SOCS5: variants seen among roughly 807,000 people sequenced by gnomAD.
SOCS5 encodes the protein CIS-6.
In SOCS5, 32 loss-of-function variants were observed where a neutral mutation model predicts 42.8. The ratio of observed to expected loss-of-function variants is 0.75; its 90% CI spans 0.56 to 1.01. The LOEUF is 1.01. Ranked by LOEUF, SOCS5 falls within the 50% of genes least tolerant of loss-of-function variation. The probability of loss-of-function intolerance (pLI) is 0.00; values close to 1 mark genes in which losing one functional copy is unlikely to be tolerated. For synonymous variants in SOCS5, 283 were observed against 229.6 expected, an observed-to-expected ratio of 1.23 and a Z score of -2.10; for missense variants, 627 against 653.0, an observed-to-expected ratio of 0.96 and a Z score of 0.43.
intron 1 of SOCS5, among the ~76,000 whole-genome samples, chr2:46,756,793 A>G (rs768559974): frequency 3.3e-5 from 5 of 152,262 alleles, no homozygotes; most frequent in Non-Finnish European, 7.3e-5. Flanking sequence ...CGACTGTATT[A>G]ACAGGACTAT....
chr2:46,726,286 C>T (rs1301429941), intron 1 of SOCS5, among the ~76,000 whole-genome samples: 1 of 151,872 alleles, frequency 6.6e-6, no homozygotes, highest in Non-Finnish European at 1.5e-5. Flanking sequence ...TTAGTAGAGA[C>T]GTGGTTTCAC....
At chr2:46,726,422 T>G (rs1030876453) in intron 1 of SOCS5, among the ~76,000 whole-genome samples, 1 of 152,150 alleles carries the variant, frequency 6.6e-6, no homozygotes, top group African/African-American at 2.4e-5. Flanking sequence ...CTACTTGGTT[T>G]CTCTGTGCTT....
chr2:46,724,988 T>G (rs994996373), intron 1 of SOCS5, among the ~76,000 whole-genome samples: 3 of 152,044 alleles, frequency 2.0e-5, no homozygotes, highest in Non-Finnish European at 4.4e-5. Context: ...TCATTGTAGA[T>G]TTGTCTGTTT....
In SOCS5 at chr2:46,762,035, C is replaced by G. The variant is rs888547770; in HGVS notation, c.*1894C>G. 1 of 166,900 alleles carries G rather than the reference C, an allele frequency of 6.0e-6. No individual in the cohort carries two copies. Among genetic ancestry groups the G allele is most frequent in the African/African-American group, 2.4e-5 (1 of 41,408 alleles). The allele number at this position is 166,900 out of a possible 1,614,324, so 10.3% of individuals were successfully genotyped here. ...TCAGTACCATTTATTGGTTTGGGGA[C>G]CATCTTAATTAAAAATAAATGCCCA... On this transcript the variant is annotated 3_prime_UTR_variant, in exon 2 of 2. Transcript: ENST00000394861.
intron 1 of SOCS5, among the ~76,000 whole-genome samples, chr2:46,713,684 T>C (rs1308834793): frequency 6.6e-6 from 1 of 152,142 alleles, no homozygotes; most frequent in East Asian, 1.9e-4. Context: ...ATTCCTTCCC[T>C]TCTCCTTACT....
At chr2:46,756,439 A>G (rs1439666337) in intron 1 of SOCS5, among the ~76,000 whole-genome samples, 3 of 152,078 alleles carry the variant, frequency 2.0e-5, no homozygotes, top group Non-Finnish European at 4.4e-5. Flanking sequence ...AAATGTAAAA[A>G]TTTTTCTGAG....
At chr2:46,715,277 G>A (rs1373144313) in intron 1 of SOCS5, among the ~76,000 whole-genome samples, 1 of 151,686 alleles carries the variant, frequency 6.6e-6, no homozygotes, top group East Asian at 1.9e-4. Flanking sequence ...AAGCTTAGGT[G>A]GGAGGTATTG....
At chr2:46,742,011 G>T (rs1673389798) in intron 1 of SOCS5, among the ~76,000 whole-genome samples, 1 of 152,144 alleles carries the variant, frequency 6.6e-6, no homozygotes, top group South Asian at 2.1e-4. Flanking sequence ...ACATTAGTGT[G>T]TGACAATGCT....
intron 1 of SOCS5, among the ~76,000 whole-genome samples, chr2:46,715,275 G>A (rs371172466): frequency 2.6e-5 from 4 of 151,736 alleles, no homozygotes; most frequent in Admixed American, 6.6e-5. Flanking sequence ...GGAAGCTTAG[G>A]TGGGAGGTAT....
intron 1 of SOCS5, among the ~76,000 whole-genome samples, chr2:46,754,220 T>C (rs1282222060): frequency 3.3e-5 from 5 of 152,190 alleles, no homozygotes; most frequent in African/African-American, 1.2e-4. Context: ...GGGGAAGCCA[T>C]GCCCATAATG....
At chr2:46,750,277 G>A (rs1348409688) in intron 1 of SOCS5, among the ~76,000 whole-genome samples, 2 of 152,138 alleles carry the variant, frequency 1.3e-5, no homozygotes, top group African/African-American at 4.8e-5. Flanking sequence ...TAGGCTCGGC[G>A]TGCCCTCCTA....
At chr2:46,748,934 T>C (rs999789520) in intron 1 of SOCS5, among the ~76,000 whole-genome samples, 1 of 152,194 alleles carries the variant, frequency 6.6e-6, no homozygotes, top group Admixed American at 6.5e-5. Flanking sequence ...GTTCCCCTAA[T>C]CAGAGACTCT....
Position 46,759,212 on chromosome 2 carries a change from C to T in SOCS5, c.682C>T (p.Gln228Ter). 1 of 1,613,660 alleles carries T rather than the reference C, an allele frequency of 6.2e-7. No individual in the cohort carries two copies. The change falls in exon 2 of 2, where the codon CAA (glutamine) becomes TAA (stop). Residue 228 changes from glutamine (Q) to a stop codon, truncating the protein, a stop_gained. Transcript: ENST00000394861. LOFTEE classifies it high-confidence loss of function. ...CPFPAGSDLA[Q>*]KWHLIKQHTA... ...TTTTCCTGCTGGCTCAGATTTAGCC[C>T]AAAAATGGCATTTGATTAAACAGCA...
At chr2:46,742,526 T>G (rs1673401959) in intron 1 of SOCS5, among the ~76,000 whole-genome samples, 1 of 152,232 alleles carries the variant, frequency 6.6e-6, no homozygotes, top group South Asian at 2.1e-4. Flanking sequence ...CCTTTGTTTA[T>G]GACATTTTTT....
rs79753377 is a variant in SOCS5, at chr2:46,758,098, T to C, written c.-12-421T>C. On this transcript the variant is annotated intron_variant, in intron 1 of 1. Coordinates refer to ENST00000394861, the MANE Select transcript of SOCS5 (RefSeq NM_144949.3). ...CTAATGAAAGGTTTTTGAACTAATT[T>C]TAATGTGTTACACAAATGTTCTAGT... Among the ~76,000 whole-genome samples the C allele has an allele frequency of 2.7e-4, 41 of 152,348 alleles. 1 individual carries two copies. In the East Asian group the frequency reaches 7.7e-3, roughly 29 times the overall value.
chr2:46,710,202 A>C (rs2061182), intron 1 of SOCS5, among the ~76,000 whole-genome samples: 3 of 152,052 alleles, frequency 2.0e-5, no homozygotes, highest in African/African-American at 7.2e-5. Flanking sequence ...GCTGGAGTGC[A>C]GTGGCGCAAT....
chr2:46,759,496 T>G lies in SOCS5; in HGVS notation c.966T>G (p.Cys322Trp). The change falls in exon 2 of 2, where the codon TGT becomes TGG. Residue 322 changes from cysteine to tryptophan, a missense_variant. Physicochemically the swap from Cys to Trp is radical, Grantham distance 215. Transcript: ENST00000394861. Reference protein sequence around the residue: ...GDSSAIPQANCDSEEDTTTLC... With the variant: ...GDSSAIPQANWDSEEDTTTLC... ...GTTCTGCAATTCCACAAGCTAATTG[T>G]GACTCGGAAGAGGATACAACCACCC... 6.2e-7 allele frequency: 1 copy of G among 1,613,940 alleles called. No individual in the cohort carries two copies. The highest frequency in any genetic ancestry group is 8.5e-7 in the Non-Finnish European group (1 of 1,179,856).
At chr2:46,727,116 C>T (rs946669907) in intron 1 of SOCS5, among the ~76,000 whole-genome samples, 3 of 143,714 alleles carry the variant, frequency 2.1e-5, no homozygotes, top group Non-Finnish European at 4.6e-5. Flanking sequence ...CAATTTGTTT[C>T]AAGAGTGTTT....
At chr2:46,747,238 T>G (rs1673522904) in intron 1 of SOCS5, among the ~76,000 whole-genome samples, 1 of 152,168 alleles carries the variant, frequency 6.6e-6, no homozygotes, top group Non-Finnish European at 1.5e-5. Context: ...TACTTTTTTT[T>G]GAGACAGGAT....
Sources: gnomAD v4.1 joint callset for allele counts (sites outside exome capture counted in the v4.1 genomes callset) on GRCh38, gnomAD v4.1.1 for gene constraint, MANE v1.5 for transcripts, NCBI Gene and HGNC (gene_info 2026-07-23, HGNC 2026-07-21) for gene names.